Variants in SLC16A12 observed in about 807,000 individuals in gnomAD.
SLC16A12 encodes monocarboxylate transporter 12.
A neutral mutation model predicts 42.4 loss-of-function variants in SLC16A12; 17 were observed. The observed-to-expected ratio is 0.40, with a 90% CI of 0.27 to 0.60. SLC16A12 has a LOEUF of 0.60. Ranked by LOEUF, SLC16A12 falls within the 20% of genes least tolerant of loss-of-function variation. The pLI is 0.42. For missense variants in SLC16A12, 544 were observed against 623.0 expected, an observed-to-expected ratio of 0.87 and a Z score of 1.35; for synonymous variants, 224 against 229.4, an observed-to-expected ratio of 0.98 and a Z score of 0.21.
chr10:89,430,933 T>C lies in SLC16A12; in HGVS notation c.*2131A>G. On this transcript the variant is annotated 3_prime_UTR_variant, in exon 8 of 8. Transcript: ENST00000371790. ...AGGCTTGAAAATTCAAGAAATGATA[T>C]TTAGGGCAAAGTGCTATTCCAAACA... 2.9e-6 allele frequency: 1 copy of C among 341,036 alleles called. No individual in the cohort carries two copies. The highest frequency in any genetic ancestry group is 8.0e-5 in the East Asian group (1 of 12,512). The allele number at this position is 341,036 out of a possible 1,614,324, so 21.1% of individuals were successfully genotyped here. A position where few individuals can be genotyped will look rare whatever the true frequency, so the allele number is the denominator to read the frequency against.
intron 3 of SLC16A12, among the ~76,000 whole-genome samples, chr10:89,448,776 G>A (rs1842044638): frequency 6.6e-6 from 1 of 152,150 alleles, no homozygotes; most frequent in African/African-American, 2.4e-5. Flanking sequence ...GCAGGAGAAA[G>A]AAATAAACGT....
At chr10:89,454,991 T>A (rs1363843077) in intron 3 of SLC16A12, among the ~76,000 whole-genome samples, 1 of 151,936 alleles carries the variant, frequency 6.6e-6, no homozygotes, top group East Asian at 1.9e-4. Context: ...AGGATTAAAG[T>A]TGGTAGAGGA....
At chr10:89,468,665 A>C (rs961693229) in intron 2 of SLC16A12, among the ~76,000 whole-genome samples, 21 of 152,212 alleles carry the variant, frequency 1.4e-4, no homozygotes, top group African/African-American at 4.8e-4. Flanking sequence ...CAGGTCATTT[A>C]ATAGATTTAT....
At chr10:89,546,558 A>G (rs548323824) in intron 2 of SLC16A12, among the ~76,000 whole-genome samples, 2 of 152,356 alleles carry the variant, frequency 1.3e-5, no homozygotes, top group East Asian at 1.9e-4. Context: ...GCTGTGGAGA[A>G]ATAGGAACAC....
chr10:89,501,726 G>A (rs150087885), intron 2 of SLC16A12, among the ~76,000 whole-genome samples: 67 of 152,204 alleles, frequency 4.4e-4, no homozygotes, highest in African/African-American at 1.3e-3. Flanking sequence ...ACTCCAGCCC[G>A]GGCGACAGAG....
intron 2 of SLC16A12, among the ~76,000 whole-genome samples, chr10:89,521,659 A>C (rs1843359682): frequency 1.3e-5 from 2 of 152,200 alleles, no homozygotes; most frequent in African/African-American, 4.8e-5. Context: ...CTCTCTGTCC[A>C]GAGAGTGTCA....
intron 2 of SLC16A12, among the ~76,000 whole-genome samples, chr10:89,541,509 A>C (rs759998468): frequency 2.0e-5 from 3 of 152,150 alleles, no homozygotes; most frequent in Non-Finnish European, 4.4e-5. Context: ...AGGTAGGAGG[A>C]TCTCTTGAGC....
chr10:89,478,051 T>C (rs1218971335), intron 2 of SLC16A12, among the ~76,000 whole-genome samples: 1 of 152,138 alleles, frequency 6.6e-6, no homozygotes, highest in African/African-American at 2.4e-5. Flanking sequence ...CAACACTATA[T>C]CATGATAGTG....
intron 3 of SLC16A12, among the ~76,000 whole-genome samples, chr10:89,446,743 A>T (rs1399420132): frequency 6.6e-6 from 1 of 152,232 alleles, no homozygotes; most frequent in Non-Finnish European, 1.5e-5. Flanking sequence ...GACAGGATCA[A>T]ATTCACATAC....
intron 3 of SLC16A12, among the ~76,000 whole-genome samples, chr10:89,455,665 A>C (rs1349554724): frequency 1.3e-5 from 2 of 152,170 alleles, no homozygotes; most frequent in African/African-American, 4.8e-5. Context: ...TATTGGGAGC[A>C]TGTGTGCATC....
chr10:89,470,229 C>T (rs368972160), intron 2 of SLC16A12, among the ~76,000 whole-genome samples: 42 of 152,254 alleles, frequency 2.8e-4, no homozygotes, highest in African/African-American at 1.0e-3. Context: ...TAGAAGCCTA[C>T]CCTGAGAGGA....
intron 2 of SLC16A12, among the ~76,000 whole-genome samples, chr10:89,506,489 G>A (rs1843063454): frequency 6.6e-6 from 1 of 152,136 alleles, no homozygotes; most frequent in Admixed American, 6.5e-5. Context: ...GGGTCTGACT[G>A]TTAGAAGGAA....
intron 3 of SLC16A12, among the ~76,000 whole-genome samples, chr10:89,459,316 T>TAAAA (rs111833100): frequency 0.043 from 6,364 of 148,876 alleles, 415 homozygotes; most frequent in African/African-American, 0.14. Context: ...GCAGTTTTTT[T>TAAAA]AAAAAAAAAA....
chr10:89,472,314 A>G (rs1842509718), intron 2 of SLC16A12, among the ~76,000 whole-genome samples: 3 of 152,140 alleles, frequency 2.0e-5, no homozygotes, highest in Non-Finnish European at 4.4e-5. Context: ...TAAAACAGCA[A>G]TAAGAAAAAT....
intron 2 of SLC16A12, among the ~76,000 whole-genome samples, chr10:89,508,891 G>A (rs1006978242): frequency 2.0e-5 from 3 of 152,028 alleles, no homozygotes; most frequent in African/African-American, 7.2e-5. Flanking sequence ...AAATGATAAA[G>A]GGGATGTCAC....
At chr10:89,512,708 T>A (rs1188623093) in intron 2 of SLC16A12, among the ~76,000 whole-genome samples, 1 of 152,240 alleles carries the variant, frequency 6.6e-6, no homozygotes, top group Non-Finnish European at 1.5e-5. Flanking sequence ...TTCATCTGTA[T>A]CTTTCAATAT....
chr10:89,543,650 G>A (rs182692560), intron 2 of SLC16A12, among the ~76,000 whole-genome samples: 129 of 152,062 alleles, frequency 8.5e-4, no homozygotes, highest in African/African-American at 3.0e-3. Context: ...GCAATATGGT[G>A]AAAACCTGTC....
intron 2 of SLC16A12, among the ~76,000 whole-genome samples, chr10:89,527,273 A>G (rs1374520782): frequency 6.6e-6 from 1 of 152,060 alleles, no homozygotes; most frequent in Non-Finnish European, 1.5e-5. Context: ...ACTTGAGGTC[A>G]GAAGTTTGAG....
At chr10:89,504,046 C>T (rs551171123) in intron 2 of SLC16A12, among the ~76,000 whole-genome samples, 22 of 152,268 alleles carry the variant, frequency 1.4e-4, no homozygotes, top group African/African-American at 4.1e-4. Context: ...CTTGTGCCTC[C>T]CCAATACACA....
Sources: allele counts gnomAD v4.1 joint callset (sites outside exome capture counted in the v4.1 genomes callset), GRCh38; gene constraint gnomAD v4.1.1; transcripts MANE v1.5; gene names NCBI Gene and HGNC (gene_info 2026-07-23, HGNC 2026-07-21).